EHMT2: variants seen among roughly 807,000 people sequenced by gnomAD.
The protein encoded by EHMT2 is euchromatic histone lysine methyltransferase 2, also known as histone-lysine N-methyltransferase EHMT2.
EHMT2 carries 59 observed loss-of-function variants against 143.3 expected under a neutral mutation model. The ratio of observed to expected loss-of-function variants is 0.41; its 90% CI spans 0.33 to 0.51. EHMT2 has a LOEUF of 0.51. Ranked by LOEUF, EHMT2 falls within the 20% of genes least tolerant of loss-of-function variation. The probability of loss-of-function intolerance (pLI) is 0.18; values close to 1 mark genes in which losing one functional copy is unlikely to be tolerated. For missense variants in EHMT2, 1,174 were observed against 1,645.9 expected, an observed-to-expected ratio of 0.71 and a Z score of 4.96; for synonymous variants, 604 against 651.5, an observed-to-expected ratio of 0.93 and a Z score of 1.11.
At chr6:31,887,746 CCA>C (rs779624180) in intron 14 of EHMT2, 31 bp downstream of exon 14, 1 of 1,601,686 alleles carries the variant, frequency 6.2e-7, no homozygotes, top group African/African-American at 1.3e-5. Context: ...GGCCTCAGCC[CCA>C]GTTGCTGTGC....
In EHMT2 at chr6:31,888,389, G is replaced by C. The variant is rs1765186449; in HGVS notation, c.1483C>G (p.Pro495Ala). The C allele has an allele frequency of 6.2e-7, 1 of 1,612,820 alleles. No individual in the cohort carries two copies. The highest frequency in any genetic ancestry group is 8.5e-7 in the Non-Finnish European group (1 of 1,179,920). Residue 495 changes from proline (P) to alanine (A), a missense_variant, in exon 12 of 28, where the codon CCG (proline) becomes GCG (alanine). Pro to Ala is a conservative substitution (Grantham distance 27, BLOSUM62 -1). Transcript: ENST00000375537. The surrounding 1 kb of genome is among the most constrained non-coding windows in gnomAD (Gnocchi z 7.4). ...GCCGTGCAGAAGTAGCCGCAGCCCG[G>C]GCAGCAGTGGTGTTTGACCATGCGG...
chr6:31,888,797 T>C lies in EHMT2; in HGVS notation c.1217-50A>G. 5.0e-6 allele frequency: 8 copies of C among 1,599,046 alleles called. No homozygotes were observed. Among genetic ancestry groups the C allele is most frequent in the East Asian group, 2.2e-5 (1 of 44,788 alleles). On this transcript the variant is annotated intron_variant, in intron 10 of 27. Transcript: ENST00000375537. This position sits in a 1 kb window ranked among gnomAD's most constrained non-coding sequence, Gnocchi z 7.4. ...GAGGGAGGCTCTGCACCTCACCTAC[T>C]GGGACCCCTGGCGGGTCCTCTCACT...
In EHMT2 at chr6:31,889,486, T is replaced by C. The variant is rs750920232; in HGVS notation, c.981A>G (p.Ser327=). 3.1e-6 allele frequency: 5 copies of C among 1,612,898 alleles called. No individual in the cohort carries two copies. The highest frequency in any genetic ancestry group is 1.7e-6 in the Non-Finnish European group (2 of 1,179,996). ...CTCTTACCCTATCTGACTGATTCCCTGACTCCTCATCTTCCTCTTCTTCTT... is the reference window on the plus strand; with the variant it reads ...CTCTTACCCTATCTGACTGATTCCCCGACTCCTCATCTTCCTCTTCTTCTT... The change falls in exon 8 of 28, where the codon TCA becomes TCG. Residue 327 remains serine, a synonymous_variant. Transcript: ENST00000375537. The surrounding 1 kb of genome is among the most constrained non-coding windows in gnomAD (Gnocchi z 5.1).
rs892092467 is a variant in EHMT2 at position 31,881,932 on chromosome 6, C to T, written c.3197+767G>A. On this transcript the variant is annotated intron_variant, in intron 25 of 27. Transcript: ENST00000375537. The surrounding 1 kb of genome is among the most constrained non-coding windows in gnomAD (Gnocchi z 4.8). Reference sequence around the variant, plus strand: ...CAGCCTGGCTAACATGGTGAAACTCCGTTTCTACTAAAAATACAAAAAATT... The same window carrying T: ...CAGCCTGGCTAACATGGTGAAACTCTGTTTCTACTAAAAATACAAAAAATT... Among the ~76,000 whole-genome samples the T allele has an allele frequency of 6.6e-5, 10 of 151,982 alleles. No individual in the cohort carries two copies. The highest frequency in any genetic ancestry group is 3.9e-4 in the East Asian group (2 of 5,188).
At chr6:31,895,384 T>C (rs920826255) in intron 4 of EHMT2, 3 of 141,900 alleles carry the variant, frequency 2.1e-5, no homozygotes, top group African/African-American at 5.8e-5. Context: ...AATTTTTATC[T>C]TTTTTTTTTT....
In EHMT2 at chr6:31,892,810, G is replaced by T; in HGVS notation, c.667+16C>A. ...CAGACCACATCAAGCCACCGGGGGT[G>T]GGGGATGGGACTGACCTGAGGTCAC... On this transcript the variant is annotated intron_variant, in intron 5 of 27. Coordinates refer to ENST00000375537, the Ensembl canonical transcript of EHMT2. 2.5e-6 allele frequency: 4 copies of T among 1,611,644 alleles called. No homozygotes were observed. The South Asian group carries it at 4.4e-5, about 18-fold the overall frequency.
rs1765360255 is a variant in EHMT2 at position 31,889,295 on chromosome 6, G to A, written c.1047C>T (p.Asp349=). 4 of 1,612,294 alleles carry A rather than the reference G, an allele frequency of 2.5e-6. No homozygotes were observed. The highest frequency in any genetic ancestry group is 2.2e-5 in the East Asian group (1 of 44,878). The change falls in exon 9 of 28, where the codon GAC becomes GAT. Residue 349 remains aspartate (D), a synonymous_variant. Transcript: ENST00000375537. The surrounding 1 kb of genome is among the most constrained non-coding windows in gnomAD (Gnocchi z 5.1). ...TCCGAGACGGCTTCACCCATGGGCTGTCTTTTCGCCATTTCTTCTTGGCCT... is the reference window on the plus strand; with the variant it reads ...TCCGAGACGGCTTCACCCATGGGCTATCTTTTCGCCATTTCTTCTTGGCCT...
chr6:31,892,080 A>G (rs2151644133), intron 7 of EHMT2, among the ~76,000 whole-genome samples: 1 of 152,264 alleles, frequency 6.6e-6, no homozygotes, highest in East Asian at 1.9e-4. Flanking sequence ...CGTCTCTACT[A>G]AAAATACAAA....
intron 4 of EHMT2, chr6:31,893,673 G>T: frequency 3.8e-6 from 1 of 263,672 alleles, no homozygotes. Context: ...CTGCCCAGGT[G>T]AAAGGAAAGA....
At position 31,883,102 on chromosome 6, in the gene EHMT2, T is replaced by C; in HGVS notation, c.2995-93A>G. On this transcript the variant is annotated intron_variant, in intron 23 of 27. Transcript: ENST00000375537. This position sits in a 1 kb window ranked among gnomAD's most constrained non-coding sequence, Gnocchi z 5.6. ...CAAGACTCTACAGAGACAGGGAAGT[T>C]GGGGTTGGGGAGGTCACACAGGCTC... 1 of 1,216,132 alleles carries C rather than the reference T, an allele frequency of 8.2e-7. No individual in the cohort carries two copies. Among genetic ancestry groups the C allele is most frequent in the East Asian group, 2.5e-5 (1 of 40,400 alleles). The allele number at this position is 1,216,132 out of a possible 1,614,324, so 75.3% of individuals were successfully genotyped here.
chr6:31,892,572 G>T lies in EHMT2; in HGVS notation c.709-10C>A, dbSNP rs542941954. The stretch of plus-strand genomic sequence containing the variant: ...AACCTAACTCCTCTGACTAGAAAAA[G>T]ATCAGAAAAATTGAGGCCACTGACA... On this transcript the variant is annotated splice_polypyrimidine_tract_variant and intron_variant, in intron 6 of 27. Transcript: ENST00000375537. 2.7e-5 allele frequency: 44 copies of T among 1,612,692 alleles called. No individual in the cohort carries two copies. The East Asian group carries it at 9.6e-4, about 35-fold the overall frequency.
rs1764067946 is a variant in EHMT2 at position 31,881,264 on chromosome 6, G to A, written c.3198-172C>T. On this transcript the variant is annotated intron_variant, in intron 25 of 27. Coordinates refer to ENST00000375537, the Ensembl canonical transcript of EHMT2. The surrounding 1 kb of genome is among the most constrained non-coding windows in gnomAD (Gnocchi z 4.8). ...GGGCAAGTGAAAGGGCAGCATTCCA[G>A]CCTTGACAGAGGAAGCCTTCAGTCA... The A allele has an allele frequency of 4.5e-6, 3 of 661,826 alleles. No individual in the cohort carries two copies. The highest frequency in any genetic ancestry group is 8.2e-6 in the Non-Finnish European group (3 of 367,130). 41.0% of individuals were successfully genotyped at this position (661,826 alleles called of 1,614,324 possible).
intron 4 of EHMT2, among the ~76,000 whole-genome samples, chr6:31,894,534 C>A (rs542572219): frequency 6.6e-6 from 1 of 151,822 alleles, no homozygotes; most frequent in African/African-American, 2.4e-5. Context: ...CCTCCCGCCT[C>A]GGCCTCCAAA....
intron 7 of EHMT2, among the ~76,000 whole-genome samples, 171 bp downstream of exon 7, chr6:31,892,236 C>T (rs1487539768): frequency 2.0e-5 from 3 of 152,030 alleles, no homozygotes; most frequent in Admixed American, 1.3e-4. Flanking sequence ...AATGAGATTC[C>T]GTCTCCCCCC....
At position 31,888,005 on chromosome 6, in the gene EHMT2, G is replaced by T. The variant is rs1765119391; in HGVS notation, c.1745+36C>A. ...ATGTCCAGGAGCAATAGGGGTGGGG[G>T]AGGGAACAGACAGTACAGAAGGGGG... On this transcript the variant is annotated intron_variant, in intron 13 of 27. Coordinates refer to ENST00000375537, the Ensembl canonical transcript of EHMT2. This position sits in a 1 kb window ranked among gnomAD's most constrained non-coding sequence, Gnocchi z 7.4. 1.3e-6 allele frequency: 2 copies of T among 1,566,882 alleles called. No individual in the cohort carries two copies. The highest frequency in any genetic ancestry group is 1.7e-6 in the Non-Finnish European group (2 of 1,154,296).
chr6:31,893,196 T>C (rs1391094985), intron 4 of EHMT2: 2 of 527,358 alleles, frequency 3.8e-6, no homozygotes, highest in African/African-American at 1.9e-5. Flanking sequence ...TATGTGGCCA[T>C]ATACACAGCA....
chr6:31,882,118 A>T (rs1332323528), intron 25 of EHMT2, among the ~76,000 whole-genome samples: 34 of 92,346 alleles, frequency 3.7e-4, no homozygotes, highest in Admixed American at 1.1e-3. Context: ...AAAATAAATT[A>T]AAAAAAAAAA....
intron 18 of EHMT2, 86 bp downstream of exon 18, chr6:31,886,495 T>C (rs1263448477): frequency 5.7e-5 from 68 of 1,190,920 alleles, no homozygotes; most frequent in Non-Finnish European, 7.5e-5. Context: ...AGGTCAGATG[T>C]AGGAAAGGCG....
At position 31,889,338 on chromosome 6, in the gene EHMT2, C is replaced by T; in HGVS notation, c.1004G>A (p.Gly335Asp). 1 of 1,612,022 alleles carries T rather than the reference C, an allele frequency of 6.2e-7. No individual in the cohort carries two copies. The highest frequency in any genetic ancestry group is 1.1e-5 in the South Asian group (1 of 91,066). The stretch of plus-strand genomic sequence containing the variant: ...CTTGGCCTTGCGCCGGCCACTGGAA[C>T]CACTCTGGGAAGGGGGAGGAGGAGG... The change falls in exon 9 of 28, where the codon GGT (glycine) becomes GAT (aspartate). Residue 335 changes from glycine to aspartate, a missense_variant. Physicochemically the swap from Gly to Asp is moderately conservative, Grantham distance 94. This residue lies in a region of EHMT2 where 608 missense variants were observed against 903.7 expected (regional missense o/e 0.67). Coordinates refer to ENST00000375537, the Ensembl canonical transcript of EHMT2. The surrounding 1 kb of genome is among the most constrained non-coding windows in gnomAD (Gnocchi z 5.1).
Sources: gnomAD v4.1 joint callset for allele counts (sites outside exome capture counted in the v4.1 genomes callset) on GRCh38, gnomAD v4.1.1 for gene constraint, gnomAD v4.1.1 regional missense constraint, Gnocchi (gnomAD v3.1) non-coding constraint, MANE v1.5 for transcripts, NCBI Gene and HGNC (gene_info 2026-07-23, HGNC 2026-07-21) for gene names.